KIF11: variants seen among roughly 807,000 people sequenced by gnomAD.
KIF11 encodes the protein kinesin family member 11, also known as kinesin-like protein KIF11.
In KIF11, 9 loss-of-function variants were observed where a neutral mutation model predicts 121.0. The ratio of observed to expected loss-of-function variants is 0.07; its 90% CI spans 0.04 to 0.13. The LOEUF is 0.13. KIF11 is among the 10% of genes least tolerant of loss of function. KIF11 has a pLI of 1.00. For synonymous variants in KIF11, 408 were observed against 421.0 expected (o/e 0.97, Z 0.38); for missense variants, 846 against 1,217.5 (o/e 0.69, Z 4.54).
chr10:92,604,830 G>A (rs140430958), intron 1 of KIF11, among the ~76,000 whole-genome samples: 1 of 152,238 alleles, frequency 6.6e-6, no homozygotes, highest in Middle Eastern at 3.4e-3. Flanking sequence ...TCTTATTGAT[G>A]CTACTCTGTG....
At chr10:92,625,124 G>A (rs1844660083) in intron 10 of KIF11, among the ~76,000 whole-genome samples, 1 of 152,018 alleles carries the variant, frequency 6.6e-6, no homozygotes, top group African/African-American at 2.4e-5. Flanking sequence ...CATAATGGCT[G>A]AACTAATTTT....
rs1189606373 is a variant in KIF11, at chr10:92,609,301, AGAGTGTGT to A, written c.574-82_574-75del. 8.0e-4 allele frequency: 478 copies of A among 600,838 alleles called. No individual in the cohort carries two copies. The African/African-American group carries it at 8.3e-3, about 10-fold the overall frequency. 37.2% of individuals were successfully genotyped at this position (600,838 alleles called of 1,614,324 possible). ...GAGAGAGAGAGAGAGAGAGAGAGAG[AGAGTGTGT>A]GTGTGTGTGTGTGTGTGTGTGTGTG... On this transcript the variant is annotated intron_variant, in intron 5 of 21. Transcript: ENST00000260731.
chr10:92,605,268 T>C (rs10882086), intron 1 of KIF11, among the ~76,000 whole-genome samples: 16,200 of 152,144 alleles, frequency 0.11, 1,023 homozygotes, highest in South Asian at 0.16. Flanking sequence ...GGGCTAATAA[T>C]ATTACCAACC....
chr10:92,617,392 A>T (rs1844568131), intron 9 of KIF11, among the ~76,000 whole-genome samples: 3 of 152,196 alleles, frequency 2.0e-5, no homozygotes, highest in South Asian at 4.1e-4. Context: ...AACATGTATC[A>T]GTAGTTTATT....
At position 92,612,916 on chromosome 10, in the gene KIF11, C is replaced by T. The variant is rs1224667439; in HGVS notation, c.699-124C>T. On this transcript the variant is annotated intron_variant, in intron 6 of 21. Transcript: ENST00000260731. The stretch of plus-strand genomic sequence containing the variant: ...ATCTTCCAAAATATTCTTGATATCT[C>T]CTGTCTGATGTTATCTTTCTCTACT... 4 of 592,096 alleles carry T rather than the reference C, an allele frequency of 6.8e-6. 1 individual carries two copies. Among genetic ancestry groups the T allele is most frequent in the East Asian group, 2.8e-5 (1 of 35,406 alleles). The allele number at this position is 592,096 out of a possible 1,614,324, so 36.7% of individuals were successfully genotyped here.
intron 1 of KIF11, among the ~76,000 whole-genome samples, chr10:92,597,717 T>A (rs965536758): frequency 2.2e-4 from 33 of 152,098 alleles, no homozygotes; most frequent in African/African-American, 8.0e-4. Context: ...ATTGGTACGA[T>A]CTTGGCTTAC....
intron 1 of KIF11, among the ~76,000 whole-genome samples, chr10:92,597,894 G>A (rs1268024302): frequency 2.6e-5 from 4 of 151,594 alleles, no homozygotes; most frequent in African/African-American, 7.3e-5. Context: ...CAGGTGATCC[G>A]TCCACCCTGG....
intron 8 of KIF11, among the ~76,000 whole-genome samples, chr10:92,615,984 C>T (rs796970170): frequency 2.2e-4 from 30 of 139,020 alleles, no homozygotes; most frequent in African/African-American, 8.6e-4. Context: ...GGATTACAGG[C>T]GCCACCACCA....
intron 4 of KIF11, among the ~76,000 whole-genome samples, chr10:92,607,721 A>AACTTACT (rs1231652394): frequency 6.6e-6 from 1 of 152,236 alleles, no homozygotes; most frequent in Non-Finnish European, 1.5e-5. Context: ...AGTGAGTTTA[A>AACTTACT]TAACTAAGAG....
chr10:92,636,976 T>C (rs1445981395), intron 14 of KIF11, among the ~76,000 whole-genome samples: 2 of 138,064 alleles, frequency 1.4e-5, no homozygotes, highest in Non-Finnish European at 3.0e-5. Context: ...GAGGTTGCAG[T>C]GAGCCAAGAT....
intron 17 of KIF11, among the ~76,000 whole-genome samples, chr10:92,644,428 G>A (rs1468229604): frequency 6.6e-6 from 1 of 151,940 alleles, no homozygotes; most frequent in East Asian, 1.9e-4. Flanking sequence ...CAATTCTCCT[G>A]CCTCACTCTC....
At chr10:92,602,149 G>C (rs751054731) in intron 1 of KIF11, among the ~76,000 whole-genome samples, 20 of 152,170 alleles carry the variant, frequency 1.3e-4, no homozygotes, top group Non-Finnish European at 2.2e-4. Context: ...GTGCTGCTCA[G>C]TTCAATGTGT....
chr10:92,624,933 C>T (rs1459784426), intron 10 of KIF11, among the ~76,000 whole-genome samples: 2 of 151,946 alleles, frequency 1.3e-5, no homozygotes, highest in African/African-American at 4.8e-5. Flanking sequence ...CCGCACCTGG[C>T]TAATTTTTGT....
intron 13 of KIF11, 80 bp downstream of exon 13, chr10:92,632,773 A>G (rs544492629): frequency 2.5e-6 from 2 of 801,500 alleles, no homozygotes; most frequent in South Asian, 4.2e-5. Context: ...TGTGAAACAT[A>G]GATGACGGTG....
chr10:92,614,696 A>G (rs1844534479), intron 8 of KIF11, among the ~76,000 whole-genome samples: 1 of 152,200 alleles, frequency 6.6e-6, no homozygotes, highest in Non-Finnish European at 1.5e-5. Flanking sequence ...GAGAACAGAG[A>G]GGAAAACCAA....
intron 17 of KIF11, among the ~76,000 whole-genome samples, chr10:92,642,792 G>A (rs1207272228): frequency 6.6e-6 from 1 of 152,150 alleles, no homozygotes; most frequent in East Asian, 1.9e-4. Context: ...CTATTTGTAT[G>A]ATGTATCCTT....
intron 11 of KIF11, among the ~76,000 whole-genome samples, chr10:92,629,815 G>T (rs1397081884): frequency 1.3e-5 from 2 of 151,944 alleles, no homozygotes; most frequent in African/African-American, 4.8e-5. Flanking sequence ...AGTCAGTCTC[G>T]CTATGTTGCC....
Position 92,609,048 on chromosome 10 carries a change from C to T in KIF11, c.416C>T (p.Thr139Ile), listed in dbSNP as rs1186752332. The change falls in exon 5 of 22, where the codon ACC becomes ATC. Residue 139 changes from threonine to isoleucine, a missense_variant. This residue lies in a region of KIF11 where 140 missense variants were observed against 193.5 expected (regional missense o/e 0.72). Coordinates refer to ENST00000260731, the MANE Select transcript of KIF11 (RefSeq NM_004523.4). Reference protein sequence around the residue: ...EDPLAGIIPRTLHQIFEKLTD... With the variant: ...EDPLAGIIPRILHQIFEKLTD... ...CCCTTGGCTGGTATAATTCCACGTA[C>T]CCTTCATCAAATTTTTGAGAAACTT... 1.3e-6 allele frequency: 2 copies of T among 1,586,678 alleles called. No homozygotes were observed. Among genetic ancestry groups the T allele is most frequent in the South Asian group, 1.1e-5 (1 of 88,158 alleles).
chr10:92,609,078 A>T lies in KIF11; in HGVS notation c.446A>T (p.Asp149Val). 1 of 1,602,644 alleles carries T rather than the reference A, an allele frequency of 6.2e-7. No individual in the cohort carries two copies. The highest frequency in any genetic ancestry group is 8.5e-7 in the Non-Finnish European group (1 of 1,174,780). The change falls in exon 5 of 22, where the codon GAT becomes GTT. Residue 149 changes from aspartate (D) to valine (V), a missense_variant. Coordinates refer to ENST00000260731, the MANE Select transcript of KIF11 (RefSeq NM_004523.4). ...CATCAAATTTTTGAGAAACTTACTG[A>T]TAATGGTACTGAATTTTCAGTCAAA... ...TLHQIFEKLT[D>V]NGTEFSVKVS...
Sources: allele counts gnomAD v4.1 joint callset (sites outside exome capture counted in the v4.1 genomes callset), GRCh38; gene constraint gnomAD v4.1.1; regional missense constraint gnomAD v4.1.1; transcripts MANE v1.5; gene names NCBI Gene and HGNC (gene_info 2026-07-23, HGNC 2026-07-21).